FGD2: variants seen among roughly 807,000 people sequenced by gnomAD.
FGD2 encodes FYVE, RhoGEF and PH domain containing 2, also known as FYVE, RhoGEF and PH domain-containing protein 2.
Under a neutral mutation model 75.9 loss-of-function variants are expected in FGD2, and 52 were observed. The observed-to-expected ratio is 0.69, with a 90% CI of 0.55 to 0.86. The LOEUF is 0.86. Ranked by LOEUF, FGD2 falls within the 40% of genes least tolerant of loss-of-function variation. The probability of loss-of-function intolerance (pLI) is 0.00; values close to 1 mark genes in which losing one functional copy is unlikely to be tolerated. For synonymous variants in FGD2, 347 were observed against 348.6 expected, an observed-to-expected ratio of 1.00 and a Z score of 0.05; for missense variants, 790 against 872.0, an observed-to-expected ratio of 0.91 and a Z score of 1.18.
At chr6:37,011,315 G>C in intron 3 of FGD2, 1 of 571,476 alleles carries the variant, frequency 1.7e-6, no homozygotes, top group Non-Finnish European at 3.1e-6. Context: ...GGCCTACACG[G>C]TATCTTCATC....
intron 1 of FGD2, among the ~76,000 whole-genome samples, chr6:37,006,343 G>A (rs1764750548): frequency 6.6e-6 from 1 of 152,188 alleles, no homozygotes. Flanking sequence ...ACCGTATGAG[G>A]CAAACCAGGA....
intron 13 of FGD2, chr6:37,024,521 T>C (rs752084058): frequency 2.0e-5 from 3 of 151,998 alleles, no homozygotes; most frequent in Non-Finnish European, 2.9e-5. Flanking sequence ...TACATACATA[T>C]AGAGAGAGAC....
At chr6:37,018,990 C>T (rs1416157865) in intron 9 of FGD2, among the ~76,000 whole-genome samples, 2 of 152,146 alleles carry the variant, frequency 1.3e-5, no homozygotes, top group African/African-American at 4.8e-5. Flanking sequence ...AGCTGGAAGC[C>T]TCTGTATGAA....
intron 11 of FGD2, 47 bp downstream of exon 11, chr6:37,020,786 T>C (rs1307508902): frequency 1.3e-6 from 2 of 1,548,418 alleles, no homozygotes; most frequent in Non-Finnish European, 1.7e-6. Context: ...CCTTTCTTTC[T>C]TTTTTCTTTT....
chr6:37,011,729 G>C lies in FGD2; in HGVS notation c.402G>C (p.Lys134Asn), dbSNP rs201414065. Residue 134 changes from lysine to asparagine, a missense_variant, in exon 4 of 16, where the codon AAG becomes AAC. By Grantham distance (94) the Lys-to-Asn change is moderately conservative (BLOSUM62 0). Transcript: ENST00000274963. ...LDQVFFQELL[K>N]TARSSKAFPE... The stretch of plus-strand genomic sequence containing the variant: ...AGGTGTTTTTCCAGGAGCTGCTGAA[G>C]ACAGCCCGCAGCAGCAAGGCCTTCC... 6.2e-7 allele frequency: 1 copy of C among 1,614,052 alleles called. No homozygotes were observed. Among genetic ancestry groups the C allele is most frequent in the Non-Finnish European group, 8.5e-7 (1 of 1,180,030 alleles).
chr6:37,014,804 C>A (rs1411815298), intron 7 of FGD2, 88 bp from the exon 8 acceptor site: 1 of 1,608,102 alleles, frequency 6.2e-7, no homozygotes, highest in Non-Finnish European at 8.5e-7. Context: ...TCACTGTTAC[C>A]CCCCAGTCCC....
At chr6:37,020,986 A>G (rs972149733) in intron 11 of FGD2, among the ~76,000 whole-genome samples, 3 of 138,314 alleles carry the variant, frequency 2.2e-5, no homozygotes, top group African/African-American at 5.6e-5. Context: ...GTTTGTGTGT[A>G]TGTGTGCATG....
chr6:37,013,844 C>T lies in FGD2; in HGVS notation c.684+79C>T, dbSNP rs536437800. ...TCAGGTTGCCTTGAGTGATTCCGGG[C>T]ATCTCCCAGGCTCAGCTGCTTCCAT... On this transcript the variant is annotated intron_variant, in intron 5 of 15. Transcript: ENST00000274963. 4.8e-5 allele frequency: 77 copies of T among 1,590,670 alleles called. No individual in the cohort carries two copies. The African/African-American group carries it at 9.1e-4, about 19-fold the overall frequency.
At chr6:37,021,383 T>C in intron 11 of FGD2, 129 bp from the exon 12 acceptor site, 1 of 738,490 alleles carries the variant, frequency 1.4e-6, no homozygotes, top group Non-Finnish European at 2.2e-6. Flanking sequence ...CCCGCGTGTG[T>C]GTAGAATCCA....
rs145776309 is a variant in FGD2 at position 37,006,471 on chromosome 6, A to G, written c.68+586A>G. ...TTCTGTTTCTGTTCCCGTCTTATAG[A>G]TGAGGAAATGGAGACACAGAGAGGT... On this transcript the variant is annotated intron_variant, in intron 1 of 15. Coordinates refer to ENST00000274963, the MANE Select transcript of FGD2 (RefSeq NM_173558.4). Among the ~76,000 whole-genome samples, 280 of 152,206 alleles carry G rather than the reference A, an allele frequency of 1.8e-3. 1 individual carries two copies. The highest frequency in any genetic ancestry group is 6.2e-3 in the African/African-American group (258 of 41,520).
At chr6:37,020,170 G>A (rs1032372173) in intron 9 of FGD2, among the ~76,000 whole-genome samples, 2 of 152,140 alleles carry the variant, frequency 1.3e-5, no homozygotes, top group African/African-American at 4.8e-5. Context: ...TTTCTTTAAT[G>A]TTTTATTATG....
intron 4 of FGD2, among the ~76,000 whole-genome samples, chr6:37,012,709 C>G (rs1030166415): frequency 6.6e-5 from 8 of 121,908 alleles, no homozygotes; most frequent in African/African-American, 2.4e-4. Context: ...GAGACCCTGA[C>G]TTAAAAAAAA....
chr6:37,022,192 GA>G, intron 12 of FGD2, 46 bp from the exon 13 acceptor site: 1 of 1,574,862 alleles, frequency 6.3e-7, no homozygotes, highest in Non-Finnish European at 8.6e-7. Context: ...ATGGGCGGAA[GA>G]AGGTCACCAA....
rs1466805060 is a variant in FGD2 at position 37,025,996 on chromosome 6, G to T, written c.1605+58G>T. ...TCCTCTGTTCAGGGAATGTGTGCCC[G>T]GCAACCATGCTGGGCTGACACTGTC... On this transcript the variant is annotated intron_variant, in intron 14 of 15. Coordinates refer to ENST00000274963, the MANE Select transcript of FGD2 (RefSeq NM_173558.4). 5 of 1,594,368 alleles carry T rather than the reference G, an allele frequency of 3.1e-6. No individual in the cohort carries two copies. The African/African-American group carries it at 5.4e-5, about 17-fold the overall frequency.
chr6:37,021,573 AG>A lies in FGD2; in HGVS notation c.1299del (p.Pro434LeufsTer28). 1.2e-6 allele frequency: 2 copies of A among 1,613,992 alleles called. No individual in the cohort carries two copies. The highest frequency in any genetic ancestry group is 8.5e-7 in the Non-Finnish European group (1 of 1,179,904). On this transcript the variant is annotated frameshift_variant, in exon 12 of 16. Transcript: ENST00000274963. LOFTEE classifies it high-confidence loss of function. Reference protein sequence around the residue: ...KRNETFKAAAQGPEGDIQEQE... With the variant: ...KRNETFKAAAXGPEGDIQEQE... ...AATGAAACCTTCAAGGCTGCGGCCC[AG>A]GGGCCTGAGGGAGACATCCAGGAGC...
intron 1 of FGD2, among the ~76,000 whole-genome samples, chr6:37,007,128 T>C (rs1233124024): frequency 1.3e-5 from 2 of 152,084 alleles, no homozygotes; most frequent in Non-Finnish European, 2.9e-5. Flanking sequence ...CTACAGGAAC[T>C]GTAGAGGATG....
Position 37,015,752 on chromosome 6 carries a change from C to T in FGD2, c.1030-16C>T. The T allele has an allele frequency of 6.4e-7, 1 of 1,572,164 alleles. No individual in the cohort carries two copies. Among genetic ancestry groups the T allele is most frequent in the Non-Finnish European group, 8.6e-7 (1 of 1,158,704 alleles). Reference sequence around the variant, plus strand: ...CTGCCCCTGCCACGGGCCACTCACGCCTGTGTCTCCTGCAGTTCAACAACA... The same window carrying T: ...CTGCCCCTGCCACGGGCCACTCACGTCTGTGTCTCCTGCAGTTCAACAACA... On this transcript the variant is annotated splice_polypyrimidine_tract_variant and intron_variant, in intron 8 of 15. Transcript: ENST00000274963.
chr6:37,015,851 C>T lies in FGD2; in HGVS notation c.1113C>T (p.Ala371=), dbSNP rs748692150. 2.0e-5 allele frequency: 31 copies of T among 1,581,194 alleles called. No homozygotes were observed. The highest frequency in any genetic ancestry group is 1.7e-4 in the Middle Eastern group (1 of 6,044). Reference sequence around the variant, plus strand: ...AGGTGAGGACCCGCATCGATGTGGCCGGGATGAAGGTAAGAGGCCCCCTAA... The same window carrying T: ...AGGTGAGGACCCGCATCGATGTGGCTGGGATGAAGGTAAGAGGCCCCCTAA... ...QFQVRTRIDV[A]GMKVRELMDA... Residue 371 remains alanine, a synonymous_variant, in exon 9 of 16, where the codon GCC becomes GCT. Transcript: ENST00000274963.
intron 9 of FGD2, among the ~76,000 whole-genome samples, chr6:37,016,878 A>G (rs1055635942): frequency 6.6e-6 from 1 of 152,138 alleles, no homozygotes; most frequent in Non-Finnish European, 1.5e-5. Flanking sequence ...TACTACTTAA[A>G]AAATACAGAT....
Sources: allele counts gnomAD v4.1 joint callset (sites outside exome capture counted in the v4.1 genomes callset), GRCh38; gene constraint gnomAD v4.1.1; transcripts MANE v1.5; gene names NCBI Gene and HGNC (gene_info 2026-07-23, HGNC 2026-07-21).